ABR: variants seen among roughly 807,000 people sequenced by gnomAD.
The protein encoded by ABR is ABR activator of RhoGEF and GTPase, also known as active breakpoint cluster region-related protein.
ABR carries 35 observed loss-of-function variants against 107.2 expected under a neutral mutation model. That is an observed-to-expected ratio of 0.33 (90% CI 0.25 to 0.43). ABR has a LOEUF of 0.43. Among genes scored for constraint, ABR ranks in the 20% least tolerant of loss-of-function variants. The pLI is 1.00. For missense variants in ABR, 815 were observed against 1,115.2 expected (o/e 0.73, Z 3.83); for synonymous variants, 498 against 462.0 (o/e 1.08, Z -1.00).
chr17:1,100,544 T>C, intron 3 of ABR, 93 bp downstream of exon 3: 2 of 1,243,366 alleles, frequency 1.6e-6, no homozygotes, highest in South Asian at 2.5e-5. Flanking sequence ...TACGGTCCCC[T>C]TTCCTCTCCA....
chr17:1,080,713 A>G (rs1187407031), intron 5 of ABR, among the ~76,000 whole-genome samples: 1 of 133,352 alleles, frequency 7.5e-6, no homozygotes, highest in Non-Finnish European at 1.6e-5. Flanking sequence ...CTGTTTCTAG[A>G]CAGAGAAAAC....
chr17:1,073,073 G>A (rs1034240063), intron 7 of ABR, among the ~76,000 whole-genome samples: 12 of 151,608 alleles, frequency 7.9e-5, no homozygotes, highest in African/African-American at 2.9e-4. Flanking sequence ...CCAGCTACTC[G>A]GGAGGCTGAG....
intron 2 of ABR, among the ~76,000 whole-genome samples, chr17:1,105,003 CT>C (rs748696872): frequency 0.023 from 2,926 of 125,758 alleles, 33 homozygotes; most frequent in East Asian, 0.081. Flanking sequence ...TTTACAGTAA[CT>C]TTTTTTTTTT....
intron 2 of ABR, among the ~76,000 whole-genome samples, chr17:1,112,307 C>T (rs1192981723): frequency 6.6e-6 from 1 of 152,214 alleles, no homozygotes; most frequent in East Asian, 1.9e-4. Context: ...ACCAGCCACC[C>T]TGGGGATGGA....
At chr17:1,053,225 GCTCACA>G in intron 14 of ABR, among the ~76,000 whole-genome samples, 1 of 25,064 alleles carries the variant, frequency 4.0e-5, no homozygotes, top group African/African-American at 2.1e-4. Flanking sequence ...CTGGGGGAGG[GCTCACA>G]GGGTCAGAGG....
In ABR at chr17:1,110,568, G is replaced by A. The variant is rs530595028; in HGVS notation, c.247-9833C>T. On this transcript the variant is annotated intron_variant, in intron 2 of 22. Transcript: ENST00000302538. ...TAACATTTTAAAACAACATGGTGCC[G>A]TCTAAATGAACCACACCTGTGGCCC... Among the ~76,000 whole-genome samples the A allele has an allele frequency of 1.4e-4, 22 of 152,304 alleles. No individual in the cohort carries two copies. The South Asian group carries it at 2.5e-3, about 17-fold the overall frequency.
chr17:1,115,858 CG>C (rs2038961294), intron 2 of ABR, among the ~76,000 whole-genome samples: 2 of 150,394 alleles, frequency 1.3e-5, no homozygotes, highest in Admixed American at 6.6e-5. Flanking sequence ...CCCCGGGAGG[CG>C]GAAGCTGCAG....
intron 1 of ABR, among the ~76,000 whole-genome samples, chr17:1,142,339 C>CT (rs2040318424): frequency 6.6e-6 from 1 of 151,980 alleles, no homozygotes; most frequent in East Asian, 2.0e-4. Flanking sequence ...CATCCCAGCA[C>CT]TTTGGGAGGC....
chr17:1,048,935 C>A (rs1451958402), intron 16 of ABR, among the ~76,000 whole-genome samples: 1 of 152,204 alleles, frequency 6.6e-6, no homozygotes, highest in Admixed American at 6.6e-5. Context: ...CAGAATCTAC[C>A]CCCAAACCAG....
rs140400503 is a variant in ABR at position 1,213,132 on chromosome 17, C to T, written c.838+15661G>A. Among the ~76,000 whole-genome samples, 868 of 152,298 alleles carry T rather than the reference C, an allele frequency of 5.7e-3. 32 individuals are homozygous for T. The highest frequency in any genetic ancestry group is 0.051 in the Admixed American group (785 of 15,282). On this transcript the variant is annotated intron_variant, in intron 1 of 22. Transcript: ENST00000574139. ...CCCAGAAACGAAAGCTGGTTATTTC[C>T]ACTTTTCAGCTTCTAAAACCTGTTA... is the stretch of plus-strand genomic sequence containing the variant.
In ABR at chr17:1,159,306, A is replaced by G. The variant is rs368810234; in HGVS notation, c.61+20361T>C. 4.4e-3 allele frequency among the ~76,000 whole-genome samples: 316 copies of G among 72,122 alleles called. 1 individual carries two copies. The highest frequency in any genetic ancestry group is 7.4e-3 in the Middle Eastern group (1 of 136). 47.3% of individuals were successfully genotyped at this position (72,122 alleles called of 152,430 possible). On this transcript the variant is annotated intron_variant, in intron 1 of 22. Coordinates refer to ENST00000302538, the MANE Select transcript of ABR (RefSeq NM_021962.5). ...GGAGAGGTAAGAATGCGGTACTCAC[A>G]CACAAGGGAAGTAAGAATGCAGTAC...
intron 16 of ABR, among the ~76,000 whole-genome samples, chr17:1,042,167 T>TGGAC (rs1334472215): frequency 6.9e-6 from 1 of 145,634 alleles, no homozygotes; most frequent in African/African-American, 2.4e-5. Context: ...TGTGCACGGA[T>TGGAC]GGACGGACGG....
rs1214398053 is a variant in ABR, at chr17:1,223,610, G to A, written c.838+5183C>T. Among the ~76,000 whole-genome samples, 10 of 152,086 alleles carry A rather than the reference G, an allele frequency of 6.6e-5. No individual in the cohort carries two copies. The South Asian group carries it at 8.3e-4, about 13-fold the overall frequency. ...ATAATAACAGCACCTGTATTTGTCCGTGTTCACACTGCTGTAAAGAACTAC... is the reference window on the plus strand; with the variant it reads ...ATAATAACAGCACCTGTATTTGTCCATGTTCACACTGCTGTAAAGAACTAC... On this transcript the variant is annotated intron_variant, in intron 1 of 22. Transcript: ENST00000574139.
chr17:1,044,534 C>A (rs1038611469), intron 16 of ABR, among the ~76,000 whole-genome samples: 1 of 151,898 alleles, frequency 6.6e-6, no homozygotes, highest in South Asian at 2.1e-4. Flanking sequence ...GCCTGTAATC[C>A]CAGCTACTCG....
intron 14 of ABR, among the ~76,000 whole-genome samples, chr17:1,055,029 A>G (rs1167825348): frequency 6.6e-6 from 1 of 152,100 alleles, no homozygotes; most frequent in Non-Finnish European, 1.5e-5. Flanking sequence ...AGAAACTATT[A>G]GCTGTCTAAC....
At chr17:1,064,575 G>A (rs1284118757) in intron 10 of ABR, among the ~76,000 whole-genome samples, 16 of 106,762 alleles carry the variant, frequency 1.5e-4, no homozygotes, top group Non-Finnish European at 2.7e-4. Context: ...TGTTCCTCTA[G>A]ACACTGCTGT....
At chr17:1,202,039 T>C (rs1157210451) in intron 1 of ABR, among the ~76,000 whole-genome samples, 2 of 152,164 alleles carry the variant, frequency 1.3e-5, no homozygotes. Context: ...GTTCCTCCCA[T>C]ACTTTGCTAT....
At chr17:1,058,987 G>A in intron 10 of ABR, 120 bp from the exon 11 acceptor site, 4 of 1,433,596 alleles carry the variant, frequency 2.8e-6, no homozygotes, top group Non-Finnish European at 3.8e-6. Flanking sequence ...ATTTCGTGAT[G>A]TTTTGACATC....
chr17:1,108,504 C>G (rs1041354798), intron 2 of ABR, among the ~76,000 whole-genome samples: 1 of 152,280 alleles, frequency 6.6e-6, no homozygotes, highest in African/African-American at 2.4e-5. Flanking sequence ...CAAGGAAGCT[C>G]AGTGACCTCT....
Sources: gnomAD v4.1 joint callset for allele counts (sites outside exome capture counted in the v4.1 genomes callset) on GRCh38, gnomAD v4.1.1 for gene constraint, MANE v1.5 for transcripts, NCBI Gene and HGNC (gene_info 2026-07-23, HGNC 2026-07-21) for gene names.